HMGA2: variants seen among roughly 807,000 people sequenced by gnomAD.
The protein encoded by HMGA2 is high mobility group AT-hook 2, also known as high mobility group protein HMGI-C.
A neutral mutation model predicts 19.1 loss-of-function variants in HMGA2; 8 were observed. The ratio of observed to expected loss-of-function variants is 0.42; its 90% CI spans 0.25 to 0.76. The LOEUF (loss-of-function observed/expected upper bound fraction) is 0.76. Ranked by LOEUF, HMGA2 falls within the 30% of genes least tolerant of loss-of-function variation. The pLI is 0.28. For missense variants in HMGA2, 109 were observed against 136.3 expected (o/e 0.80, Z 1.00); for synonymous variants, 60 against 48.8 (o/e 1.23, Z -0.96).
chr12:65,877,447 A>G (rs1396264370), intron 3 of HMGA2, among the ~76,000 whole-genome samples: 2 of 152,120 alleles, frequency 1.3e-5, no homozygotes, highest in African/African-American at 4.8e-5. Flanking sequence ...GGGAGACATA[A>G]TGGCTGAGAG....
chr12:65,914,875 A>G (rs1245946850), intron 3 of HMGA2: 1 of 635,918 alleles, frequency 1.6e-6, no homozygotes, highest in South Asian at 1.6e-5. Context: ...GGGTTTCACC[A>G]TGTTGGCCAG....
intron 3 of HMGA2, among the ~76,000 whole-genome samples, chr12:65,845,031 G>A (rs1459191707): frequency 2.6e-5 from 4 of 152,144 alleles, no homozygotes; most frequent in Non-Finnish European, 1.5e-5. Context: ...TCCTTACACA[G>A]TGTACTATCC....
At chr12:65,888,386 T>C (rs926587221) in intron 3 of HMGA2, among the ~76,000 whole-genome samples, 5 of 150,574 alleles carry the variant, frequency 3.3e-5, no homozygotes, top group African/African-American at 1.2e-4. Context: ...ACCCGGTAGG[T>C]GGAGGTTGCA....
At chr12:65,908,876 A>C (rs1351832567) in intron 3 of HMGA2, among the ~76,000 whole-genome samples, 2 of 152,138 alleles carry the variant, frequency 1.3e-5, no homozygotes, top group African/African-American at 4.8e-5. Context: ...ATCTTCATCT[A>C]CTTTGGCCCG....
chr12:65,884,785 C>A (rs570801179), intron 3 of HMGA2, among the ~76,000 whole-genome samples: 2 of 152,080 alleles, frequency 1.3e-5, no homozygotes, highest in African/African-American at 4.8e-5. Context: ...AACTTGGACG[C>A]GTTTCTTAAT....
chr12:65,862,346 G>A (rs912452178), intron 3 of HMGA2, among the ~76,000 whole-genome samples: 1 of 151,092 alleles, frequency 6.6e-6, no homozygotes, highest in Non-Finnish European at 1.5e-5. Flanking sequence ...GATTCTGTCT[G>A]TCTCTGTGTC....
chr12:65,830,756 A>G (rs1870441461), intron 2 of HMGA2: 1 of 151,970 alleles, frequency 6.6e-6, no homozygotes, highest in South Asian at 2.1e-4. Flanking sequence ...GACCAAGTGA[A>G]TGACTACTAA....
intron 3 of HMGA2, among the ~76,000 whole-genome samples, chr12:65,912,337 G>T (rs1189062556): frequency 2.0e-5 from 3 of 152,118 alleles, no homozygotes; most frequent in Non-Finnish European, 4.4e-5. Context: ...AGGCCAAAAA[G>T]TGTGACCTCA....
chr12:65,834,916 C>T (rs1870647655), intron 2 of HMGA2, among the ~76,000 whole-genome samples: 1 of 152,088 alleles, frequency 6.6e-6, no homozygotes, highest in South Asian at 2.1e-4. Flanking sequence ...AAGTTTAAAA[C>T]ATAAAAATAT....
At chr12:65,957,817 G>GA (rs1466619712) in intron 4 of HMGA2, 2 of 152,188 alleles carry the variant, frequency 1.3e-5, no homozygotes, top group Admixed American at 1.3e-4. Context: ...CTACAGACAA[G>GA]AAAAGCAGGA....
Position 65,825,976 on chromosome 12 carries a change from G to A in HMGA2, c.111+595G>A, listed in dbSNP as rs1870156896. On this transcript the variant is annotated intron_variant, in intron 1 of 4. Transcript: ENST00000403681. This position sits in a 1 kb window ranked among gnomAD's most constrained non-coding sequence, Gnocchi z 4.4. ...ACAAAGAACGCATGGAGACCCGGCT[G>A]CCTGGTCCTTTTTGGGCTCTTTAAA... 1 of 152,216 alleles carries A rather than the reference G, an allele frequency of 6.6e-6. No individual in the cohort carries two copies. The allele number at this position is 152,216 out of a possible 1,614,324, so 9.4% of individuals were successfully genotyped here.
intron 3 of HMGA2, among the ~76,000 whole-genome samples, chr12:65,936,213 T>A (rs1424618375): frequency 4.3e-5 from 1 of 23,052 alleles, no homozygotes; most frequent in Non-Finnish European, 1.0e-4. Flanking sequence ...GTTCCATTCA[T>A]TTTTTTTTTT....
intron 3 of HMGA2, among the ~76,000 whole-genome samples, chr12:65,866,081 TAGAG>T (rs1872394562): frequency 6.6e-6 from 1 of 152,258 alleles, no homozygotes; most frequent in African/African-American, 2.4e-5. Flanking sequence ...ACCTCTATAT[TAGAG>T]AGAAGATTTA....
At chr12:65,931,723 G>A (rs1041259333) in intron 3 of HMGA2, among the ~76,000 whole-genome samples, 7 of 152,028 alleles carry the variant, frequency 4.6e-5, no homozygotes, top group South Asian at 2.1e-4. Flanking sequence ...GTGGATGGGC[G>A]CCAGAACGAC....
chr12:65,842,377 C>T (rs796638871), intron 3 of HMGA2: 2 of 620,992 alleles, frequency 3.2e-6, no homozygotes, highest in East Asian at 2.8e-5. Context: ...TCACTGTACA[C>T]TTTCATTTTG....
chr12:65,947,397 C>T (rs568012809), intron 3 of HMGA2, among the ~76,000 whole-genome samples: 18 of 152,254 alleles, frequency 1.2e-4, no homozygotes, highest in African/African-American at 4.1e-4. Flanking sequence ...CCACCACACC[C>T]GGCCACAGTT....
intron 3 of HMGA2, among the ~76,000 whole-genome samples, chr12:65,898,291 AT>A (rs375780264): frequency 4.7e-4 from 70 of 148,670 alleles, no homozygotes; most frequent in African/African-American, 1.3e-3. Context: ...CACTTTATTC[AT>A]TTTTTTTTTC....
chr12:65,941,145 G>C (rs1011357825), intron 3 of HMGA2, among the ~76,000 whole-genome samples: 5 of 152,208 alleles, frequency 3.3e-5, no homozygotes, highest in African/African-American at 7.2e-5. Context: ...GAGTAAGGTA[G>C]TTCAAGACAG....
chr12:65,921,858 A>G (rs1432823282), intron 3 of HMGA2, among the ~76,000 whole-genome samples: 2 of 152,214 alleles, frequency 1.3e-5, no homozygotes, highest in East Asian at 3.9e-4. Flanking sequence ...CCTGTGTCCC[A>G]GCAGCTCCAG....
Sources: gnomAD v4.1 joint callset for allele counts (sites outside exome capture counted in the v4.1 genomes callset) on GRCh38, gnomAD v4.1.1 for gene constraint, Gnocchi (gnomAD v3.1) non-coding constraint, MANE v1.5 for transcripts, NCBI Gene and HGNC (gene_info 2026-07-23, HGNC 2026-07-21) for gene names.